The following ARHGAP22 variants were observed in gnomAD, a reference collection of about 807,000 sequenced individuals.
ARHGAP22 encodes rho GTPase-activating protein 22.
In ARHGAP22, 48 loss-of-function variants were observed where a neutral mutation model predicts 59.1. The ratio of observed to expected loss-of-function variants is 0.81; its 90% CI spans 0.64 to 1.03. The LOEUF is 1.03. Among genes scored for constraint, ARHGAP22 ranks in the 50% least tolerant of loss-of-function variants. The pLI, the probability that ARHGAP22 is intolerant of heterozygous loss-of-function variation, is 0.00. For missense variants in ARHGAP22, 1,015 were observed against 958.7 expected (o/e 1.06, Z -0.78); for synonymous variants, 445 against 416.4 (o/e 1.07, Z -0.84).
intron 3 of ARHGAP22, among the ~76,000 whole-genome samples, chr10:48,552,487 C>A (rs556567565): frequency 8.2e-4 from 125 of 152,386 alleles, no homozygotes; most frequent in Middle Eastern, 3.4e-3. Flanking sequence ...ACCCACCCAG[C>A]CTGGATTTCC....
At chr10:48,436,272 A>G in the ARHGAP22 span, 1 of 152,192 alleles carries the variant, frequency 6.6e-6, no homozygotes, top group Non-Finnish European at 1.5e-5. Flanking sequence ...TTATTTTTTT[A>G]TACCTGATTT....
At position 48,604,778 on chromosome 10, in the gene ARHGAP22, T is replaced by C; in HGVS notation, c.19A>G (p.Arg7Gly). The change falls in exon 1 of 10, where the codon AGG becomes GGG. Residue 7 changes from arginine to glycine, a missense_variant. Coordinates refer to ENST00000249601, the MANE Select transcript of ARHGAP22 (RefSeq NM_021226.4). ...TTGGACTTACCCCTCCTGGCCTGCC[T>C]GATCTTTGGGCTCAGCATGTTCTTG... is the stretch of plus-strand genomic sequence containing the variant. MLSPKI[R>G]QARRARSKSL... is the part of the protein sequence containing the mutation. 6.2e-7 allele frequency: 1 copy of C among 1,614,218 alleles called. No individual in the cohort carries two copies. Among genetic ancestry groups the C allele is most frequent in the Admixed American group, 1.7e-5 (1 of 60,032 alleles).
chr10:48,581,861 G>T (rs1371376665), intron 2 of ARHGAP22, among the ~76,000 whole-genome samples: 1 of 152,218 alleles, frequency 6.6e-6, no homozygotes, highest in Non-Finnish European at 1.5e-5. Context: ...AAGACAGAAA[G>T]TTATTCATGA....
intron 4 of ARHGAP22, among the ~76,000 whole-genome samples, chr10:48,476,418 G>A (rs1287973449): frequency 6.6e-6 from 1 of 152,210 alleles, no homozygotes; most frequent in Non-Finnish European, 1.5e-5. Context: ...AGCACCCCAG[G>A]AAGGGCTCAG....
intron 1 of ARHGAP22, chr10:48,652,136 C>T (rs955324598): frequency 5.9e-6 from 7 of 1,178,520 alleles, no homozygotes; most frequent in Non-Finnish European, 8.5e-6. Context: ...GTGCTCTCAG[C>T]CACAAGACCA....
In ARHGAP22 at chr10:48,450,407, G is replaced by A; in HGVS notation, c.1722C>T (p.Gly574=). The A allele has an allele frequency of 2.6e-6, 4 of 1,567,568 alleles. No homozygotes were observed. The highest frequency in any genetic ancestry group is 2.3e-5 in the South Asian group (2 of 85,586). ...TGGGCTCGCTGTTGCTGGCACCCGC[G>A]CCCGCCTCGTCCATGCTGTGGTCCA... is the stretch of plus-strand genomic sequence containing the variant. ...LDLDHSMDEA[G]AGASNSEPSE... is the part of the protein sequence containing the mutation. Residue 574 remains glycine, a synonymous_variant, in exon 9 of 10, where the codon GGC becomes GGT. Transcript: ENST00000249601.
chr10:48,614,093 A>C (rs1410046874), intron 1 of ARHGAP22, among the ~76,000 whole-genome samples: 1 of 152,224 alleles, frequency 6.6e-6, no homozygotes, highest in Non-Finnish European at 1.5e-5. Context: ...TATGTTCACT[A>C]TAAATTACTC....
chr10:48,569,716 T>G (rs2058278757), intron 2 of ARHGAP22, among the ~76,000 whole-genome samples: 1 of 152,262 alleles, frequency 6.6e-6, no homozygotes, highest in South Asian at 2.1e-4. Flanking sequence ...AGAAGCTCAT[T>G]ACTACCGGTA....
chr10:48,468,407 G>A (rs1283361077), intron 4 of ARHGAP22, among the ~76,000 whole-genome samples: 1 of 152,192 alleles, frequency 6.6e-6, no homozygotes, highest in Non-Finnish European at 1.5e-5. Context: ...CAGTGGAGGC[G>A]GTGGGGGCAG....
chr10:48,549,439 C>A (rs1347752674), intron 3 of ARHGAP22, among the ~76,000 whole-genome samples: 3 of 152,130 alleles, frequency 2.0e-5, no homozygotes, highest in African/African-American at 7.2e-5. Context: ...GTGTCTGGAG[C>A]CTGCTTTCCT....
intron 1 of ARHGAP22, among the ~76,000 whole-genome samples, chr10:48,622,413 T>G (rs569362018): frequency 6.6e-5 from 10 of 152,324 alleles, no homozygotes; most frequent in Non-Finnish European, 8.8e-5. Flanking sequence ...AGCACCCTCT[T>G]TTTGCTTTTA....
intron 3 of ARHGAP22, among the ~76,000 whole-genome samples, chr10:48,513,981 T>C (rs1157688743): frequency 6.6e-6 from 1 of 152,128 alleles, no homozygotes; most frequent in Admixed American, 6.5e-5. Flanking sequence ...CAAATATAAA[T>C]TCTGGAATTT....
chr10:48,542,247 G>T, intron 3 of ARHGAP22, among the ~76,000 whole-genome samples: 1 of 141,604 alleles, frequency 7.1e-6, no homozygotes. Flanking sequence ...GGTCAGAACA[G>T]AGGGCCACTT....
chr10:48,562,172 G>A (rs964170832), intron 2 of ARHGAP22, among the ~76,000 whole-genome samples: 8 of 151,520 alleles, frequency 5.3e-5, no homozygotes, highest in Non-Finnish European at 1.0e-4. Flanking sequence ...GTTGCAGTGA[G>A]CTGAGATCGA....
chr10:48,476,179 T>G (rs1228730365), intron 4 of ARHGAP22, among the ~76,000 whole-genome samples: 2 of 152,188 alleles, frequency 1.3e-5, no homozygotes, highest in Non-Finnish European at 2.9e-5. Context: ...CCTCAGCCCC[T>G]AGAACATTTG....
chr10:48,640,122 T>G (rs770530252), intron 1 of ARHGAP22, among the ~76,000 whole-genome samples: 31 of 152,072 alleles, frequency 2.0e-4, no homozygotes, highest in Non-Finnish European at 4.4e-4. Flanking sequence ...GGAAGGAGAA[T>G]AAAGAACAGG....
At chr10:48,597,988 C>A (rs2060167732) in intron 1 of ARHGAP22, among the ~76,000 whole-genome samples, 1 of 152,220 alleles carries the variant, frequency 6.6e-6, no homozygotes, top group African/African-American at 2.4e-5. Flanking sequence ...TCAGGCCTGT[C>A]TTGCAAATAA....
Position 48,450,234 on chromosome 10 carries a change from A to G in ARHGAP22, c.1868+27T>C, listed in dbSNP as rs759325257. 1.9e-6 allele frequency: 3 copies of G among 1,603,354 alleles called. No homozygotes were observed. The South Asian group carries it at 3.4e-5, about 18-fold the overall frequency. The stretch of plus-strand genomic sequence containing the variant: ...CTCCCTGCAGGCTCCGCCCCGTCAC[A>G]GGAGGCTCCACGGGGCAGCAAGTTA... On this transcript the variant is annotated intron_variant, in intron 9 of 9. Transcript: ENST00000249601.
chr10:48,517,284 G>T (rs1047604830), intron 3 of ARHGAP22, among the ~76,000 whole-genome samples: 1 of 152,126 alleles, frequency 6.6e-6, no homozygotes, highest in Non-Finnish European at 1.5e-5. Context: ...CTGTTTAAAA[G>T]AGTCCAGTGA....
Sources: allele counts gnomAD v4.1 joint callset (sites outside exome capture counted in the v4.1 genomes callset), GRCh38; gene constraint gnomAD v4.1.1; transcripts MANE v1.5; gene names NCBI Gene and HGNC (gene_info 2026-07-23, HGNC 2026-07-21).